Variants in STK3 observed in about 807,000 individuals in gnomAD.
STK3 encodes the protein serine/threonine-protein kinase 3.
Under a neutral mutation model 58.0 loss-of-function variants are expected in STK3, and 41 were observed. The ratio of observed to expected loss-of-function variants is 0.71; its 90% CI spans 0.55 to 0.92. The LOEUF (loss-of-function observed/expected upper bound fraction) is 0.92. Among genes scored for constraint, STK3 ranks in the 40% least tolerant of loss-of-function variants. The probability of loss-of-function intolerance (pLI) is 0.00; values close to 1 mark genes in which losing one functional copy is unlikely to be tolerated. For missense variants in STK3, 479 were observed against 602.7 expected, an observed-to-expected ratio of 0.79 and a Z score of 2.15; for synonymous variants, 170 against 191.0, an observed-to-expected ratio of 0.89 and a Z score of 0.91.
intron 10 of STK3, among the ~76,000 whole-genome samples, chr8:98,523,186 A>G (rs928064370): frequency 6.6e-5 from 10 of 152,150 alleles, no homozygotes; most frequent in African/African-American, 1.9e-4. Flanking sequence ...CAATTTCTCT[A>G]CGTCTTCAGA....
intron 9 of STK3, among the ~76,000 whole-genome samples, chr8:98,543,820 T>C (rs1326203084): frequency 1.3e-5 from 2 of 152,262 alleles, no homozygotes; most frequent in African/African-American, 4.8e-5. Context: ...GGTCTTGATC[T>C]GGCAGCCCTC....
chr8:98,666,704 T>C (rs1027335089), intron 6 of STK3, among the ~76,000 whole-genome samples: 2 of 152,182 alleles, frequency 1.3e-5, no homozygotes, highest in African/African-American at 4.8e-5. Context: ...AGTTTGCCTA[T>C]TATAAACAAT....
chr8:98,803,609 GAAAAA>G (rs1564017236), intron 1 of STK3, among the ~76,000 whole-genome samples: 17 of 125,760 alleles, frequency 1.4e-4, no homozygotes, highest in Non-Finnish European at 2.7e-4. Context: ...AAAAAAAAAA[GAAAAA>G]AAAAGAAAAG....
intron 3 of STK3, among the ~76,000 whole-genome samples, chr8:98,859,202 A>G (rs1490661625): frequency 6.6e-6 from 1 of 152,248 alleles, no homozygotes; most frequent in African/African-American, 2.4e-5. Context: ...GGGCAGAGAC[A>G]TTATTAAATG....
chr8:98,839,115 C>T (rs572982876), intron 3 of STK3, among the ~76,000 whole-genome samples: 11 of 151,426 alleles, frequency 7.3e-5, no homozygotes, highest in East Asian at 3.9e-4. Context: ...GGTGTGATTT[C>T]GGCTCACTGC....
the STK3 span, among the ~76,000 whole-genome samples, chr8:98,347,198 G>T: frequency 6.6e-6 from 1 of 151,812 alleles, no homozygotes; most frequent in South Asian, 2.1e-4. Flanking sequence ...CAAGGAAAAA[G>T]ATGATAAAAA....
the STK3 span, among the ~76,000 whole-genome samples, chr8:98,360,558 G>C: frequency 6.6e-6 from 1 of 150,556 alleles, no homozygotes; most frequent in Non-Finnish European, 1.5e-5. Flanking sequence ...CCAACAAACA[G>C]TAAGATCTAT....
intron 4 of STK3, chr8:98,721,176 T>A (rs190888940): frequency 2.2e-6 from 2 of 914,934 alleles, no homozygotes; most frequent in East Asian, 2.4e-4. Context: ...AAAACAAATA[T>A]ATAAATCAAA....
At chr8:98,721,973 A>C (rs1371414263) in intron 4 of STK3, among the ~76,000 whole-genome samples, 2 of 152,166 alleles carry the variant, frequency 1.3e-5, no homozygotes, top group Non-Finnish European at 2.9e-5. Context: ...CCAATCTAGC[A>C]GGAAATACAG....
chr8:98,582,602 C>T (rs1814017959), intron 7 of STK3, among the ~76,000 whole-genome samples: 1 of 151,994 alleles, frequency 6.6e-6, no homozygotes, highest in Non-Finnish European at 1.5e-5. Context: ...AGGCAGTTAT[C>T]TCAGCACCAT....
At chr8:98,656,379 A>G (rs1821525324) in intron 6 of STK3, among the ~76,000 whole-genome samples, 1 of 152,108 alleles carries the variant, frequency 6.6e-6, no homozygotes, top group Admixed American at 6.6e-5. Flanking sequence ...AGATATACCT[A>G]ATGCTAAATG....
chr8:98,792,769 C>A (rs539523672), intron 1 of STK3, among the ~76,000 whole-genome samples: 65 of 152,224 alleles, frequency 4.3e-4, no homozygotes, highest in African/African-American at 1.4e-3. Context: ...GGTATCTACC[C>A]AGAGGAAAAG....
At chr8:98,447,734 T>C (rs1470158788) in intron 1 of STK3, among the ~76,000 whole-genome samples, 2 of 148,248 alleles carry the variant, frequency 1.3e-5, no homozygotes, top group African/African-American at 2.5e-5. Context: ...TTATGTTGCA[T>C]GTATTTGTAT....
intron 1 of STK3, among the ~76,000 whole-genome samples, chr8:98,780,409 G>A (rs1429701883): frequency 6.6e-6 from 1 of 152,058 alleles, no homozygotes; most frequent in African/African-American, 2.4e-5. Flanking sequence ...CTTTTCATAT[G>A]ATTAAGAAGC....
At chr8:98,939,503 G>A (rs1840321405) in intron 1 of STK3, among the ~76,000 whole-genome samples, 1 of 152,206 alleles carries the variant, frequency 6.6e-6, no homozygotes, top group Admixed American at 6.5e-5. Flanking sequence ...CTATCCCAGC[G>A]TCCCAGGGAA....
chr8:98,621,985 T>C (rs994532262), intron 6 of STK3, among the ~76,000 whole-genome samples: 1 of 151,184 alleles, frequency 6.6e-6, no homozygotes, highest in Admixed American at 6.6e-5. Context: ...AATCAGACAT[T>C]GGGCACGGTG....
intron 10 of STK3, among the ~76,000 whole-genome samples, chr8:98,501,529 T>C (rs957916408): frequency 6.6e-6 from 1 of 152,246 alleles, no homozygotes; most frequent in Non-Finnish European, 1.5e-5. Flanking sequence ...AGGGTTTTTA[T>C]GGTTTTAGGT....
chr8:98,410,873 T>A (rs1289581085), intron 3 of STK3, among the ~76,000 whole-genome samples: 1 of 152,200 alleles, frequency 6.6e-6, no homozygotes, highest in African/African-American at 2.4e-5. Context: ...CTTAATAATT[T>A]ACCCTCAGAT....
At chr8:98,424,413 G>C (rs1304527605) in intron 3 of STK3, among the ~76,000 whole-genome samples, 2 of 152,184 alleles carry the variant, frequency 1.3e-5, no homozygotes, top group Non-Finnish European at 2.9e-5. Flanking sequence ...GGGGACAAGG[G>C]GGAGGGAGAG....
Sources: gnomAD v4.1 joint callset for allele counts (sites outside exome capture counted in the v4.1 genomes callset) on GRCh38, gnomAD v4.1.1 for gene constraint, MANE v1.5 for transcripts, NCBI Gene and HGNC (gene_info 2026-07-23, HGNC 2026-07-21) for gene names.